Variants in FPR3 observed in about 807,000 individuals in gnomAD.
FPR3 encodes formyl peptide receptor 3.
For synonymous variants in FPR3, 135 were observed against 163.6 expected, an observed-to-expected ratio of 0.83 and a Z score of 1.34; for missense variants, 346 against 443.2, an observed-to-expected ratio of 0.78 and a Z score of 1.97.
chr19:51,795,720 G>A (rs1367159824), intron 1 of FPR3, among the ~76,000 whole-genome samples: 1 of 151,430 alleles, frequency 6.6e-6, no homozygotes, highest in Non-Finnish European at 1.5e-5. Context: ...TCAATATGTT[G>A]GCCAGGCTGG....
In FPR3 at chr19:51,824,627, T is replaced by A. The variant is rs776156120; in HGVS notation, c.879T>A (p.Phe293Leu). 10 of 1,614,068 alleles carry A rather than the reference T, an allele frequency of 6.2e-6. No homozygotes were observed. The highest frequency in any genetic ancestry group is 1.1e-5 in the South Asian group (1 of 91,092). ...ACCCAACAAGCTCCTTGGCCTTTTT[T>A]AACAGCTGCCTCAACCCAATTCTCT... Reference protein sequence around the residue: ...LINPTSSLAFFNSCLNPILYV... With the variant: ...LINPTSSLAFLNSCLNPILYV... The change falls in exon 2 of 2, where the codon TTT becomes TTA. Residue 293 changes from phenylalanine to leucine, a missense_variant. Transcript: ENST00000339223. This position sits in a 1 kb window ranked among gnomAD's most constrained non-coding sequence, Gnocchi z 4.7.
At chr19:51,798,496 A>G (rs1220604887) in intron 1 of FPR3, among the ~76,000 whole-genome samples, 1 of 152,206 alleles carries the variant, frequency 6.6e-6, no homozygotes, top group Non-Finnish European at 1.5e-5. Flanking sequence ...GAAGGAAATG[A>G]GTAAAAGAAA....
rs1272395105 is a variant in FPR3 at position 51,825,089 on chromosome 19, C to A, written c.*279C>A. The A allele has an allele frequency of 3.0e-6, 1 of 328,734 alleles. No individual in the cohort carries two copies. The highest frequency in any genetic ancestry group is 5.8e-6 in the Non-Finnish European group (1 of 170,954). 20.4% of individuals were successfully genotyped at this position (328,734 alleles called of 1,614,324 possible). A position where few individuals can be genotyped will look rare whatever the true frequency, so the allele number is the denominator to read the frequency against. ...CAAGTCTGCTCCTCCAGTTGAGACACAAGTCACAAATCCAGGCTTCTGAAA... is the reference window on the plus strand; with the variant it reads ...CAAGTCTGCTCCTCCAGTTGAGACAAAAGTCACAAATCCAGGCTTCTGAAA... On this transcript the variant is annotated 3_prime_UTR_variant, in exon 2 of 2. Coordinates refer to ENST00000339223, the MANE Select transcript of FPR3 (RefSeq NM_002030.5).
intron 1 of FPR3, among the ~76,000 whole-genome samples, chr19:51,815,607 C>G (rs1243583081): frequency 6.6e-6 from 1 of 151,094 alleles, no homozygotes; most frequent in Non-Finnish European, 1.5e-5. Flanking sequence ...GTGGCTCACA[C>G]TTGTCATCCC....
At chr19:51,797,617 T>G (rs1052652176) in intron 1 of FPR3, among the ~76,000 whole-genome samples, 1 of 152,158 alleles carries the variant, frequency 6.6e-6, no homozygotes. Flanking sequence ...GTGTGTTGAG[T>G]GCTTACACAT....
chr19:51,821,903 A>C (rs1234216164), intron 1 of FPR3, among the ~76,000 whole-genome samples: 1 of 152,178 alleles, frequency 6.6e-6, no homozygotes, highest in East Asian at 1.9e-4. Flanking sequence ...AATTGCTGTT[A>C]CTTTTAGAGA....
intron 1 of FPR3, among the ~76,000 whole-genome samples, chr19:51,807,729 T>C (rs376868710): frequency 6.6e-6 from 1 of 152,092 alleles, no homozygotes; most frequent in African/African-American, 2.4e-5. Context: ...TGTCTGAGAG[T>C]AGTGGTTATC....
At chr19:51,810,566 A>G (rs2084089218) in intron 1 of FPR3, among the ~76,000 whole-genome samples, 1 of 152,222 alleles carries the variant, frequency 6.6e-6, no homozygotes, top group Non-Finnish European at 1.5e-5. Context: ...GCCATTACCT[A>G]ATAGCATATC....
Position 51,820,861 on chromosome 19 carries a change from G to A in FPR3, c.-10-2878G>A, listed in dbSNP as rs114221278. The stretch of plus-strand genomic sequence containing the variant: ...AAACTAAGGTTAGTCAATATTCACC[G>A]TGTCTCAAGGTGTGCTCAGTGCTCA... On this transcript the variant is annotated intron_variant, in intron 1 of 1. Coordinates refer to ENST00000339223, the MANE Select transcript of FPR3 (RefSeq NM_002030.5). 8.5e-3 allele frequency among the ~76,000 whole-genome samples: 1,297 copies of A among 152,296 alleles called. 22 individuals carry two copies. The highest frequency in any genetic ancestry group is 0.03 in the African/African-American group (1,237 of 41,566).
intron 1 of FPR3, among the ~76,000 whole-genome samples, chr19:51,821,274 A>C (rs559336910): frequency 1.3e-5 from 2 of 152,314 alleles, no homozygotes; most frequent in South Asian, 4.1e-4. Context: ...AAGAGTAGCG[A>C]TCTAACTGAC....
chr19:51,807,775 A>G (rs2084069950), intron 1 of FPR3, among the ~76,000 whole-genome samples: 2 of 152,266 alleles, frequency 1.3e-5, no homozygotes, highest in African/African-American at 4.8e-5. Flanking sequence ...GCAGTTTGCC[A>G]GGCAGTCGAC....
intron 1 of FPR3, among the ~76,000 whole-genome samples, chr19:51,815,038 G>A (rs907337748): frequency 4.1e-5 from 6 of 147,128 alleles, no homozygotes; most frequent in Non-Finnish European, 9.0e-5. Flanking sequence ...CTGAACTCCC[G>A]ACCTCAAATG....
At chr19:51,799,555 G>A (rs940852369) in intron 1 of FPR3, among the ~76,000 whole-genome samples, 2 of 152,202 alleles carry the variant, frequency 1.3e-5, no homozygotes, top group Non-Finnish European at 2.9e-5. Flanking sequence ...CAGCCCAGTC[G>A]GTCTGGCCCA....
intron 1 of FPR3, among the ~76,000 whole-genome samples, chr19:51,799,539 A>T (rs1049310986): frequency 3.3e-5 from 5 of 152,230 alleles, no homozygotes; most frequent in African/African-American, 1.2e-4. Flanking sequence ...CACTTCCTGC[A>T]TCAGACAGCC....
At chr19:51,797,846 C>T (rs1423766287) in intron 1 of FPR3, among the ~76,000 whole-genome samples, 4 of 149,046 alleles carry the variant, frequency 2.7e-5, no homozygotes, top group East Asian at 2.0e-4. Context: ...ACAGATTTAC[C>T]GACCTATCCT....
rs143644530 is a variant in FPR3 at position 51,824,189 on chromosome 19, G to C, written c.441G>C (p.Thr147=). The C allele has an allele frequency of 8.7e-6, 14 of 1,613,966 alleles. No individual in the cohort carries two copies. The highest frequency in any genetic ancestry group is 1.1e-5 in the Non-Finnish European group (13 of 1,180,022). ...RTMSLAKRVM[T]GLWIFTIVLT... is the part of the protein sequence containing the mutation. ...TGAGTCTGGCCAAGAGGGTGATGAC[G>C]GGACTCTGGATTTTCACCATAGTCC... Residue 147 remains threonine (T), a synonymous_variant, in exon 2 of 2, where the codon ACG becomes ACC. Coordinates refer to ENST00000339223, the MANE Select transcript of FPR3 (RefSeq NM_002030.5). The surrounding 1 kb of genome is among the most constrained non-coding windows in gnomAD (Gnocchi z 4.7).
rs1288538240 is a variant in FPR3 at position 51,824,209 on chromosome 19, T to C, written c.461T>C (p.Ile154Thr). 6 of 1,614,148 alleles carry C rather than the reference T, an allele frequency of 3.7e-6. No individual in the cohort carries two copies. The highest frequency in any genetic ancestry group is 1.7e-4 in the Middle Eastern group (1 of 6,060). Residue 154 changes from isoleucine to threonine, a missense_variant, in exon 2 of 2, where the codon ATA (isoleucine) becomes ACA (threonine). Coordinates refer to ENST00000339223, the MANE Select transcript of FPR3 (RefSeq NM_002030.5). This position sits in a 1 kb window ranked among gnomAD's most constrained non-coding sequence, Gnocchi z 4.7. ...ATGACGGGACTCTGGATTTTCACCATAGTCCTTACCTTACCAAATTTCATC... is the reference window on the plus strand; with the variant it reads ...ATGACGGGACTCTGGATTTTCACCACAGTCCTTACCTTACCAAATTTCATC... ...RVMTGLWIFT[I>T]VLTLPNFIFW...
intron 1 of FPR3, among the ~76,000 whole-genome samples, chr19:51,815,548 G>A (rs1402446542): frequency 7.4e-6 from 1 of 134,360 alleles, no homozygotes; most frequent in East Asian, 2.2e-4. Flanking sequence ...CAGCCTGAGG[G>A]ACAGGGTGAG....
chr19:51,808,169 A>G (rs1349008082), intron 1 of FPR3, among the ~76,000 whole-genome samples: 1 of 152,222 alleles, frequency 6.6e-6, no homozygotes, highest in African/African-American at 2.4e-5. Context: ...TTTGGTAAAT[A>G]TGTGTAAGTT....
Sources: gnomAD v4.1 joint callset for allele counts (sites outside exome capture counted in the v4.1 genomes callset) on GRCh38, gnomAD v4.1.1 for gene constraint, Gnocchi (gnomAD v3.1) non-coding constraint, MANE v1.5 for transcripts, NCBI Gene and HGNC (gene_info 2026-07-23, HGNC 2026-07-21) for gene names.